MAPK4: variants seen among roughly 807,000 people sequenced by gnomAD.
MAPK4 encodes Erk3-related.
In MAPK4, 22 loss-of-function variants were observed where a neutral mutation model predicts 47.7. The observed-to-expected ratio is 0.46, with a 90% confidence interval of 0.33 to 0.66. MAPK4 has a LOEUF of 0.66. Ranked by LOEUF, MAPK4 falls within the 30% of genes least tolerant of loss-of-function variation. The pLI is 0.02. For missense variants in MAPK4, 736 were observed against 831.7 expected (o/e 0.88, Z 1.42); for synonymous variants, 390 against 365.7 (o/e 1.07, Z -0.76).
intron 4 of MAPK4, among the ~76,000 whole-genome samples, chr18:50,722,377 CT>C (rs35695369): frequency 0.15 from 23,507 of 152,186 alleles, 1,982 homozygotes; most frequent in South Asian, 0.2. Context: ...CCTCTCTTTC[CT>C]TCATCCTCCC....
At chr18:50,625,958 G>T (rs940917614) in intron 1 of MAPK4, among the ~76,000 whole-genome samples, 4 of 151,592 alleles carry the variant, frequency 2.6e-5, no homozygotes, top group African/African-American at 9.7e-5. Flanking sequence ...TAAGGACTCA[G>T]CTCAAGTGAT....
intron 2 of MAPK4, among the ~76,000 whole-genome samples, chr18:50,714,357 C>T (rs560654830): frequency 1.2e-3 from 183 of 152,212 alleles, no homozygotes; most frequent in African/African-American, 4.0e-3. Flanking sequence ...TATATGTCCT[C>T]GCTATATACC....
intron 1 of MAPK4, among the ~76,000 whole-genome samples, chr18:50,602,119 T>C (rs2149372933): frequency 1.3e-5 from 2 of 152,362 alleles, no homozygotes; most frequent in South Asian, 4.1e-4. Context: ...TTCCTAAAGG[T>C]ATTCTATAGA....
chr18:50,691,901 C>G (rs1909237219), intron 2 of MAPK4, among the ~76,000 whole-genome samples: 1 of 126,542 alleles, frequency 7.9e-6, no homozygotes, highest in Non-Finnish European at 1.7e-5. Flanking sequence ...CTGTCTACCC[C>G]TTCCCTACCT....
chr18:50,655,220 G>A (rs1465601735), intron 1 of MAPK4, among the ~76,000 whole-genome samples: 2 of 152,218 alleles, frequency 1.3e-5, no homozygotes, highest in Non-Finnish European at 2.9e-5. Context: ...ACACGTCCCA[G>A]GGGGAGAAGG....
At chr18:50,593,405 C>T (rs2042454847) in intron 1 of MAPK4, among the ~76,000 whole-genome samples, 1 of 152,210 alleles carries the variant, frequency 6.6e-6, no homozygotes, top group African/African-American at 2.4e-5. Context: ...GTGAAAAACA[C>T]CTGAGATTTA....
chr18:50,650,272 G>C (rs1340126112), intron 1 of MAPK4, among the ~76,000 whole-genome samples: 1 of 152,168 alleles, frequency 6.6e-6, no homozygotes. Context: ...CTGCCTCTGG[G>C]GCTGGAGGTA....
At chr18:50,720,325 C>T (rs1046826962) in intron 3 of MAPK4, among the ~76,000 whole-genome samples, 2 of 152,150 alleles carry the variant, frequency 1.3e-5, no homozygotes, top group Admixed American at 1.3e-4. Context: ...CAAGGTATTT[C>T]TCCCGGAGCC....
At chr18:50,586,819 A>G (rs907831743) in intron 1 of MAPK4, among the ~76,000 whole-genome samples, 4 of 152,140 alleles carry the variant, frequency 2.6e-5, no homozygotes, top group African/African-American at 9.7e-5. Flanking sequence ...ATACTTTCAT[A>G]TATGCTTGGT....
intron 1 of MAPK4, among the ~76,000 whole-genome samples, chr18:50,567,768 TTTGTTG>T (rs922531261): frequency 1.3e-5 from 2 of 151,358 alleles, no homozygotes; most frequent in African/African-American, 2.4e-5. Flanking sequence ...GGGTGTGGTG[TTTGTTG>T]TTGTTGTTGT....
In MAPK4 at chr18:50,617,751, T is replaced by C. The variant is rs563179524; in HGVS notation, c.-870-45338T>C. Among the ~76,000 whole-genome samples, 91 of 152,348 alleles carry C rather than the reference T, an allele frequency of 6.0e-4. No individual in the cohort carries two copies. The South Asian group carries it at 0.018, about 31-fold the overall frequency. On this transcript the variant is annotated intron_variant, in intron 1 of 5. Coordinates refer to ENST00000400384, the MANE Select transcript of MAPK4 (RefSeq NM_002747.4). ...TGATTTAAAATCTTCTCTAGAACAT[T>C]CCTGTTACAGCTTTACTACTACTTG...
rs1259782608 is a variant in MAPK4, at chr18:50,664,185, A to G, written c.227A>G (p.Asn76Ser). The G allele has an allele frequency of 1.9e-6, 3 of 1,614,012 alleles. 1 individual carries two copies. The highest frequency in any genetic ancestry group is 2.5e-6 in the Non-Finnish European group (3 of 1,180,046). Residue 76 changes from asparagine to serine, a missense_variant, in exon 2 of 6, where the codon AAC becomes AGC. Transcript: ENST00000400384. This position sits in a 1 kb window ranked among gnomAD's most constrained non-coding sequence, Gnocchi z 6.0. ...ATCATTCGGCGCCTGGACCACGACA[A>G]CATCGTCAAAGTGTACGAGGTGCTC... Reference protein sequence around the residue: ...IKIIRRLDHDNIVKVYEVLGP... With the variant: ...IKIIRRLDHDSIVKVYEVLGP...
Position 50,729,512 on chromosome 18 carries a change from G to A in MAPK4, c.1422G>A (p.Thr474=), listed in dbSNP as rs571427322. ...KQAAGAPPTA[T]GLADTGARED... ...CGGCCGGCGCGCCCCCCACGGCCAC[G>A]GGGCTGGCGGACACGGGGGCGCGCG... Residue 474 remains threonine (T), a synonymous_variant, in exon 6 of 6, where the codon ACG becomes ACA. Coordinates refer to ENST00000400384, the MANE Select transcript of MAPK4 (RefSeq NM_002747.4). 1.2e-5 allele frequency: 18 copies of A among 1,443,786 alleles called. No individual in the cohort carries two copies. In the Admixed American group the frequency reaches 3.3e-4, roughly 27 times the overall value. 89.4% of individuals were successfully genotyped at this position (1,443,786 alleles called of 1,614,324 possible).
intron 1 of MAPK4, among the ~76,000 whole-genome samples, chr18:50,659,752 G>A (rs1191341592): frequency 6.6e-6 from 1 of 152,208 alleles, no homozygotes; most frequent in Non-Finnish European, 1.5e-5. Flanking sequence ...GGCTGCTCTT[G>A]TGAGAGTTCC....
At position 50,678,766 on chromosome 18, in the gene MAPK4, T is replaced by C. The variant is rs1215261555; in HGVS notation, c.546+14262T>C. Among the ~76,000 whole-genome samples, 1 of 152,208 alleles carries C rather than the reference T, an allele frequency of 6.6e-6. No individual in the cohort carries two copies. The highest frequency in any genetic ancestry group is 6.5e-5 in the Admixed American group (1 of 15,286). ...CACGTTTGCCCTCTGCTGTCCATCA[T>C]GCACCTGGCAGGATCCCCTTGTTTT... is the stretch of plus-strand genomic sequence containing the variant. On this transcript the variant is annotated intron_variant, in intron 2 of 5. Coordinates refer to ENST00000400384, the MANE Select transcript of MAPK4 (RefSeq NM_002747.4). The surrounding 1 kb of genome is among the most constrained non-coding windows in gnomAD (Gnocchi z 4.2).
chr18:50,664,665 T>C lies in MAPK4; in HGVS notation c.546+161T>C, dbSNP rs968264358. On this transcript the variant is annotated intron_variant, in intron 2 of 5. Transcript: ENST00000400384. The surrounding 1 kb of genome is among the most constrained non-coding windows in gnomAD (Gnocchi z 6.0). The stretch of plus-strand genomic sequence containing the variant: ...GGAAGATCACTAGCCTGAAAAGTTG[T>C]TGGAGGCGTGGAGGGAGATCTGGTT... Among the ~76,000 whole-genome samples the C allele has an allele frequency of 9.2e-5, 14 of 152,164 alleles. No homozygotes were observed. The East Asian group carries it at 9.6e-4, about 10-fold the overall frequency.
chr18:50,703,165 C>T (rs183532055), intron 2 of MAPK4, among the ~76,000 whole-genome samples: 1 of 152,174 alleles, frequency 6.6e-6, no homozygotes, highest in African/African-American at 2.4e-5. Flanking sequence ...GACCTTTCTG[C>T]TGCCCTCCTC....
intron 5 of MAPK4, among the ~76,000 whole-genome samples, chr18:50,727,983 A>G (rs1911295311): frequency 6.6e-6 from 1 of 152,210 alleles, no homozygotes; most frequent in African/African-American, 2.4e-5. Flanking sequence ...CCACTCAATC[A>G]AGGAGGCAGG....
chr18:50,687,384 C>T (rs1244313332), intron 2 of MAPK4, among the ~76,000 whole-genome samples: 1 of 152,194 alleles, frequency 6.6e-6, no homozygotes, highest in African/African-American at 2.4e-5. Context: ...GTAGCTCCAC[C>T]CCTCAAGTTA....
Sources: allele counts gnomAD v4.1 joint callset (sites outside exome capture counted in the v4.1 genomes callset), GRCh38; gene constraint gnomAD v4.1.1; non-coding constraint Gnocchi (gnomAD v3.1); transcripts MANE v1.5; gene names NCBI Gene and HGNC (gene_info 2026-07-23, HGNC 2026-07-21).